BICD1: variants seen among roughly 807,000 people sequenced by gnomAD.
BICD1 encodes the protein BICD cargo adaptor 1.
In BICD1, 35 loss-of-function variants were observed where a neutral mutation model predicts 92.5. The observed-to-expected ratio is 0.38, with a 90% confidence interval of 0.29 to 0.50. The LOEUF (loss-of-function observed/expected upper bound fraction) is 0.50, where lower values mean the gene tolerates loss of function less well. BICD1 is among the 20% of genes least tolerant of loss of function. The pLI is 0.93. For synonymous variants in BICD1, 429 were observed against 465.1 expected, an observed-to-expected ratio of 0.92 and a Z score of 1.00; for missense variants, 950 against 1,189.8, an observed-to-expected ratio of 0.80 and a Z score of 2.97.
intron 2 of BICD1, among the ~76,000 whole-genome samples, chr12:32,241,019 G>A (rs1277817456): frequency 6.6e-6 from 1 of 152,144 alleles, no homozygotes; most frequent in African/African-American, 2.4e-5. Context: ...AGGGCAGTGA[G>A]TCACTCCAAG....
At position 32,165,324 on chromosome 12, in the gene BICD1, G is replaced by T. The variant is rs370538267; in HGVS notation, c.214-50923G>T. Among the ~76,000 whole-genome samples the T allele has an allele frequency of 3.3e-5, 5 of 152,204 alleles. No homozygotes were observed. The East Asian group carries it at 9.7e-4, about 29-fold the overall frequency. On this transcript the variant is annotated intron_variant, in intron 1 of 9. Coordinates refer to ENST00000652176, the MANE Select transcript of BICD1 (RefSeq NM_001714.4). The stretch of plus-strand genomic sequence containing the variant: ...AGGTCAGGAGATTGAGACCATCCTG[G>T]CTAACACGGTGAAACACCGTCTCTA...
chr12:32,300,926 C>T (rs1357140574), intron 3 of BICD1, among the ~76,000 whole-genome samples: 2 of 152,056 alleles, frequency 1.3e-5, no homozygotes, highest in African/African-American at 2.4e-5. Flanking sequence ...GCTGGGATTA[C>T]AGGCGCGAGT....
intron 9 of BICD1, among the ~76,000 whole-genome samples, chr12:32,374,734 ATTTTTTTTT>A (rs1179747608): frequency 3.7e-5 from 3 of 80,092 alleles, no homozygotes; most frequent in South Asian, 5.3e-4. Context: ...CGCCCGGCTA[ATTTTTTTTT>A]TTTTTTTTTT....
chr12:32,198,615 C>T (rs987148877), intron 1 of BICD1, among the ~76,000 whole-genome samples: 3 of 149,382 alleles, frequency 2.0e-5, no homozygotes, highest in Non-Finnish European at 4.4e-5. Flanking sequence ...ACCACTTCCT[C>T]GTTAGTTTTT....
At chr12:32,124,924 T>C (rs1163586756) in intron 1 of BICD1, among the ~76,000 whole-genome samples, 1 of 152,168 alleles carries the variant, frequency 6.6e-6, no homozygotes, top group Non-Finnish European at 1.5e-5. Context: ...CATAGCTGAC[T>C]GTAACAAAGT....
chr12:32,199,777 G>A (rs546433449), intron 1 of BICD1, among the ~76,000 whole-genome samples: 1 of 152,240 alleles, frequency 6.6e-6, no homozygotes, highest in South Asian at 2.1e-4. Context: ...AATCACGGAG[G>A]TTTGGGGAGT....
chr12:32,294,531 G>C (rs908078222), intron 3 of BICD1, among the ~76,000 whole-genome samples: 3 of 148,142 alleles, frequency 2.0e-5, no homozygotes, highest in African/African-American at 7.5e-5. Flanking sequence ...TGAGGCAGGA[G>C]AATCACTTGA....
rs575806030 is a variant in BICD1, at chr12:32,148,426, T to C, written c.213+40882T>C. 8.5e-5 allele frequency among the ~76,000 whole-genome samples: 13 copies of C among 152,334 alleles called. No individual in the cohort carries two copies. In the South Asian group the frequency reaches 2.7e-3, roughly 32 times the overall value. ...TTTCCCACTGTCCTTCTCTGACCTC[T>C]CGGCAGTTATACAATTCTTATTGTA... On this transcript the variant is annotated intron_variant, in intron 1 of 9. Transcript: ENST00000652176.
chr12:32,148,323 T>G (rs748177247), intron 1 of BICD1, among the ~76,000 whole-genome samples: 3 of 152,068 alleles, frequency 2.0e-5, no homozygotes, highest in Non-Finnish European at 2.9e-5. Context: ...TCATACTGAT[T>G]CTGATTCCAT....
At chr12:32,304,009 G>A (rs1371502517) in intron 3 of BICD1, among the ~76,000 whole-genome samples, 2 of 152,046 alleles carry the variant, frequency 1.3e-5, no homozygotes, top group Admixed American at 1.3e-4. Context: ...AGGAGGTAGA[G>A]CTTGCAGTGA....
chr12:32,324,392 A>G (rs1592674404), intron 4 of BICD1, among the ~76,000 whole-genome samples: 1 of 151,920 alleles, frequency 6.6e-6, no homozygotes, highest in Non-Finnish European at 1.5e-5. Flanking sequence ...ACACTGAGCA[A>G]GAATCTTTTC....
At chr12:32,269,067 C>T (rs968828401) in intron 2 of BICD1, among the ~76,000 whole-genome samples, 18 of 151,830 alleles carry the variant, frequency 1.2e-4, no homozygotes, top group Non-Finnish European at 2.9e-5. Flanking sequence ...TTCCAAGTTC[C>T]CATGTGATGT....
At chr12:32,185,349 G>C (rs974458327) in intron 1 of BICD1, among the ~76,000 whole-genome samples, 1 of 152,170 alleles carries the variant, frequency 6.6e-6, no homozygotes. Flanking sequence ...TTATTAGTCA[G>C]CTTAGACTAA....
chr12:32,372,036 A>C (rs1405551973), intron 9 of BICD1, among the ~76,000 whole-genome samples: 5 of 152,230 alleles, frequency 3.3e-5, no homozygotes, highest in Non-Finnish European at 5.9e-5. Context: ...TTTCAGTTAC[A>C]CTGTGAGGAG....
intron 2 of BICD1, 125 bp downstream of exon 2, chr12:32,216,584 T>C: frequency 4.2e-6 from 4 of 942,906 alleles, no homozygotes; most frequent in South Asian, 3.6e-5. Flanking sequence ...AAACTACTAA[T>C]ACTGAGCTAG....
At chr12:32,203,009 G>A (rs909722805) in intron 1 of BICD1, among the ~76,000 whole-genome samples, 1 of 152,174 alleles carries the variant, frequency 6.6e-6, no homozygotes, top group South Asian at 2.1e-4. Context: ...ATGACCATTA[G>A]TGGGACATTA....
rs571935453 is a variant in BICD1 at position 32,342,173 on chromosome 12, T to C, written c.2764+3194T>C. Among the ~76,000 whole-genome samples the C allele has an allele frequency of 1.1e-3, 149 of 137,194 alleles. 1 individual carries two copies. Among genetic ancestry groups the C allele is most frequent in the Non-Finnish European group, 3.1e-4 (20 of 64,840 alleles). The allele number at this position is 137,194 out of a possible 152,430, so 90.0% of individuals were successfully genotyped here. Reference sequence around the variant, plus strand: ...ATATGTGTGTATATATATGTATATATATATGTGTGTATATATATATGTGTG... The same window carrying C: ...ATATGTGTGTATATATATGTATATACATATGTGTGTATATATATATGTGTG... On this transcript the variant is annotated intron_variant, in intron 8 of 9. Transcript: ENST00000652176.
chr12:32,111,021 A>T (rs1025709730), intron 1 of BICD1, among the ~76,000 whole-genome samples: 8 of 152,320 alleles, frequency 5.3e-5, no homozygotes, highest in African/African-American at 1.9e-4. Context: ...TAACTTAAAA[A>T]TGGTTGAAAT....
chr12:32,342,126 G>GTA (rs3075992), intron 8 of BICD1, among the ~76,000 whole-genome samples: 36 of 139,768 alleles, frequency 2.6e-4, no homozygotes, highest in South Asian at 6.8e-4. Flanking sequence ...ACATATATAT[G>GTA]TATATATATA....
Sources: gnomAD v4.1 joint callset for allele counts (sites outside exome capture counted in the v4.1 genomes callset) on GRCh38, gnomAD v4.1.1 for gene constraint, MANE v1.5 for transcripts, NCBI Gene and HGNC (gene_info 2026-07-23, HGNC 2026-07-21) for gene names.